The following CARMIL1 variants were observed in gnomAD, a reference collection of about 807,000 sequenced individuals.
CARMIL1 encodes the protein capping protein regulator and myosin 1 linker 1, also known as F-actin-uncapping protein LRRC16A.
CARMIL1 carries 90 observed loss-of-function variants against 177.1 expected under a neutral mutation model. That is an observed-to-expected ratio of 0.51 (90% confidence interval 0.43 to 0.61). CARMIL1 has a LOEUF of 0.61. CARMIL1 is among the 20% of genes least tolerant of loss of function. The pLI, the probability that CARMIL1 is intolerant of heterozygous loss-of-function variation, is 0.00. For synonymous variants in CARMIL1, 577 were observed against 606.2 expected (o/e 0.95, Z 0.71); for missense variants, 1,380 against 1,667.0 (o/e 0.83, Z 3.00).
chr6:25,421,504 C>T (rs904085545), intron 3 of CARMIL1, among the ~76,000 whole-genome samples: 3 of 152,140 alleles, frequency 2.0e-5, no homozygotes, highest in African/African-American at 7.2e-5. Context: ...TACCATTTGA[C>T]CCAGCCATCG....
chr6:25,292,791 G>C (rs1482350896), intron 2 of CARMIL1, among the ~76,000 whole-genome samples: 1 of 152,148 alleles, frequency 6.6e-6, no homozygotes, highest in Non-Finnish European at 1.5e-5. Flanking sequence ...ATATACCCTG[G>C]AGAGGGGAGG....
At position 25,610,058 on chromosome 6, in the gene CARMIL1, C is replaced by A. The variant is rs200694208; in HGVS notation, c.3856C>A (p.Pro1286Thr). 6.8e-6 allele frequency: 11 copies of A among 1,613,748 alleles called. No homozygotes were observed. Among genetic ancestry groups the A allele is most frequent in the Non-Finnish European group, 6.8e-6 (8 of 1,179,768 alleles). ...TGTTTGTGTCTCCTTAGATGACATT[C>A]CAGACTCTCCATCTAGCCCGAAAGT... ...PRTASRPDDI[P>T]DSPSSPKVAL... The change falls in exon 36 of 37, where the codon CCA becomes ACA. Residue 1286 changes from proline to threonine, a missense_variant. By Grantham distance (38) the Pro-to-Thr change is conservative. Coordinates refer to ENST00000329474, the MANE Select transcript of CARMIL1 (RefSeq NM_017640.6).
At chr6:25,524,037 A>G (rs1429424138) in intron 23 of CARMIL1, among the ~76,000 whole-genome samples, 2 of 151,876 alleles carry the variant, frequency 1.3e-5, no homozygotes, top group African/African-American at 4.8e-5. Context: ...TGGCAGGGGG[A>G]AGGGTAAAAT....
At chr6:25,371,047 T>C (rs566358120) in intron 2 of CARMIL1, among the ~76,000 whole-genome samples, 1 of 152,302 alleles carries the variant, frequency 6.6e-6, no homozygotes, top group East Asian at 1.9e-4. Context: ...TTACTTCACG[T>C]AGAATAATGG....
intron 8 of CARMIL1, among the ~76,000 whole-genome samples, chr6:25,458,780 T>C (rs1799757269): frequency 6.6e-6 from 1 of 152,170 alleles, no homozygotes; most frequent in Non-Finnish European, 1.5e-5. Flanking sequence ...TATTTCAAAC[T>C]TCCCTGTGCC....
intron 2 of CARMIL1, among the ~76,000 whole-genome samples, chr6:25,341,816 C>T (rs1786975925): frequency 1.3e-5 from 2 of 152,174 alleles, no homozygotes; most frequent in Non-Finnish European, 2.9e-5. Context: ...AGCCTCTTAG[C>T]CCGACAGAAT....
At chr6:25,531,136 A>G (rs1262193802) in intron 24 of CARMIL1, among the ~76,000 whole-genome samples, 1 of 152,224 alleles carries the variant, frequency 6.6e-6, no homozygotes, top group Non-Finnish European at 1.5e-5. Flanking sequence ...AAACATAAAA[A>G]TAAGTATCCT....
chr6:25,387,997 A>G (rs995520908), intron 2 of CARMIL1, among the ~76,000 whole-genome samples: 7 of 152,300 alleles, frequency 4.6e-5, no homozygotes, highest in Admixed American at 2.0e-4. Flanking sequence ...AGTTCATAAG[A>G]AAAAAAGAGA....
At position 25,619,457 on chromosome 6, in the gene CARMIL1, A is replaced by T; in HGVS notation, c.3990A>T (p.Arg1330Ser). 6.2e-7 allele frequency: 1 copy of T among 1,611,080 alleles called. No homozygotes were observed. Among genetic ancestry groups the T allele is most frequent in the Non-Finnish European group, 8.5e-7 (1 of 1,178,930 alleles). ...CCCTTTTTATTTCAGTTTCAAGGAG[A>T]AGCTGGGGCCAGCAGGCCCAGGAGT... ...PRTFSQEVSRRSWGQQAQEYQ... is the reference protein window; with the variant it reads ...PRTFSQEVSRSSWGQQAQEYQ... Residue 1330 changes from arginine to serine, a missense_variant, in exon 37 of 37, where the codon AGA becomes AGT. Physicochemically the swap from Arg to Ser is moderately radical, Grantham distance 110. Coordinates refer to ENST00000329474, the MANE Select transcript of CARMIL1 (RefSeq NM_017640.6).
Position 25,418,858 on chromosome 6 carries a change from C to T in CARMIL1, c.139-1256C>T, listed in dbSNP as rs377357902. Among the ~76,000 whole-genome samples, 135 of 152,348 alleles carry T rather than the reference C, an allele frequency of 8.9e-4. 1 individual carries two copies. Among genetic ancestry groups the T allele is most frequent in the South Asian group, 7.5e-3 (36 of 4,826 alleles). ...CTGTGTCTTTTCCCTCAACTTTCCT[C>T]ACCCGCTTTTATCACACTCTCCCAG... is the stretch of plus-strand genomic sequence containing the variant. On this transcript the variant is annotated intron_variant, in intron 2 of 36. Coordinates refer to ENST00000329474, the MANE Select transcript of CARMIL1 (RefSeq NM_017640.6).
intron 5 of CARMIL1, among the ~76,000 whole-genome samples, chr6:25,439,896 A>G (rs1306120446): frequency 6.6e-6 from 1 of 152,126 alleles, no homozygotes; most frequent in East Asian, 1.9e-4. Context: ...GGGAGTGATC[A>G]GTAGAAAGAG....
At chr6:25,393,126 C>T (rs150410950) in intron 2 of CARMIL1, among the ~76,000 whole-genome samples, 8 of 151,992 alleles carry the variant, frequency 5.3e-5, no homozygotes, top group South Asian at 2.1e-4. Context: ...CAATAACTTA[C>T]GAATTGCATG....
intron 2 of CARMIL1, among the ~76,000 whole-genome samples, chr6:25,398,994 C>T (rs1425675270): frequency 2.0e-5 from 3 of 152,150 alleles, no homozygotes; most frequent in African/African-American, 4.8e-5. Context: ...TGGAGTTAAA[C>T]GTGATAAGGT....
At position 25,554,865 on chromosome 6, in the gene CARMIL1, A is replaced by C. The variant is rs1382478871; in HGVS notation, c.2592+769A>C. 1.3e-5 allele frequency among the ~76,000 whole-genome samples: 2 copies of C among 152,220 alleles called. No homozygotes were observed. The highest frequency in any genetic ancestry group is 4.8e-5 in the African/African-American group (2 of 41,464). On this transcript the variant is annotated intron_variant, in intron 28 of 36. Transcript: ENST00000329474. This position sits in a 1 kb window ranked among gnomAD's most constrained non-coding sequence, Gnocchi z 4.6. ...GGAGATACCAGTTTTATGGCATTGA[A>C]TTGTTGGGTGACCCTAGAGAATCCT...
At chr6:25,373,805 G>A (rs1790696205) in intron 2 of CARMIL1, among the ~76,000 whole-genome samples, 1 of 151,952 alleles carries the variant, frequency 6.6e-6, no homozygotes, top group Non-Finnish European at 1.5e-5. Context: ...GAATGGTCTC[G>A]ATCTCCTGAC....
chr6:25,511,206 T>C (rs1270849412), intron 20 of CARMIL1, among the ~76,000 whole-genome samples: 1 of 152,214 alleles, frequency 6.6e-6, no homozygotes, highest in Non-Finnish European at 1.5e-5. Flanking sequence ...TTTTCTTCCA[T>C]CTTTAATTGC....
At chr6:25,510,152 T>C (rs1423495287) in intron 18 of CARMIL1, among the ~76,000 whole-genome samples, 3 of 152,204 alleles carry the variant, frequency 2.0e-5, no homozygotes, top group Non-Finnish European at 4.4e-5. Context: ...TAGACAACTT[T>C]AACTCCACTT....
intron 3 of CARMIL1, among the ~76,000 whole-genome samples, chr6:25,424,385 T>A (rs1037290854): frequency 3.9e-5 from 6 of 152,164 alleles, no homozygotes; most frequent in Non-Finnish European, 8.8e-5. Context: ...AGTAGACGCA[T>A]CTTAATTGAC....
rs1440237957 is a variant in CARMIL1 at position 25,326,152 on chromosome 6, G to A, written c.138+41243G>A. 1.3e-5 allele frequency among the ~76,000 whole-genome samples: 2 copies of A among 152,214 alleles called. No individual in the cohort carries two copies. Among genetic ancestry groups the A allele is most frequent in the Non-Finnish European group, 2.9e-5 (2 of 68,044 alleles). On this transcript the variant is annotated intron_variant, in intron 2 of 36. Coordinates refer to ENST00000329474, the MANE Select transcript of CARMIL1 (RefSeq NM_017640.6). This position sits in a 1 kb window ranked among gnomAD's most constrained non-coding sequence, Gnocchi z 4.2. ...CAAAATGCTGGGATTACAGGCGTGA[G>A]CCACTGCGCTCGGCCTAGATGAGAC...
Sources: allele counts gnomAD v4.1 joint callset (sites outside exome capture counted in the v4.1 genomes callset), GRCh38; gene constraint gnomAD v4.1.1; non-coding constraint Gnocchi (gnomAD v3.1); transcripts MANE v1.5; gene names NCBI Gene and HGNC (gene_info 2026-07-23, HGNC 2026-07-21).